ATP10B: variants seen among roughly 807,000 people sequenced by gnomAD.
ATP10B encodes ATPase phospholipid transporting 10B (putative).
In ATP10B, 122 loss-of-function variants were observed where a neutral mutation model predicts 141.2. That is an observed-to-expected ratio of 0.86 (90% CI 0.75 to 1.00). The LOEUF (loss-of-function observed/expected upper bound fraction) is 1.00, where lower values mean the gene tolerates loss of function less well. Among genes scored for constraint, ATP10B ranks in the 50% least tolerant of loss-of-function variants. The pLI, the probability that ATP10B is intolerant of heterozygous loss-of-function variation, is 0.00. For synonymous variants in ATP10B, 685 were observed against 692.0 expected (o/e 0.99, Z 0.16); for missense variants, 1,876 against 1,825.3 (o/e 1.03, Z -0.51).
the ATP10B span, among the ~76,000 whole-genome samples, chr5:160,898,264 T>G: frequency 4.6e-5 from 7 of 152,228 alleles, no homozygotes; most frequent in African/African-American, 1.4e-4. Flanking sequence ...GACAAAGGAC[T>G]AATATCCAGA....
chr5:160,762,265 G>A (rs889404633), intron 2 of ATP10B, among the ~76,000 whole-genome samples: 12 of 152,160 alleles, frequency 7.9e-5, no homozygotes, highest in Non-Finnish European at 1.5e-4. Flanking sequence ...CGTAGTCATC[G>A]GGTTATCTAA....
the ATP10B span, among the ~76,000 whole-genome samples, chr5:160,878,648 C>G: frequency 6.6e-6 from 1 of 152,104 alleles, no homozygotes; most frequent in African/African-American, 2.4e-5. Flanking sequence ...TGACAAAGGG[C>G]TAATATCCAC....
intron 3 of ATP10B, among the ~76,000 whole-genome samples, chr5:160,690,490 G>GTC (rs1309338604): frequency 6.6e-6 from 1 of 152,018 alleles, no homozygotes; most frequent in Non-Finnish European, 1.5e-5. Flanking sequence ...AATCTACAAA[G>GTC]AATTTAAACA....
intron 2 of ATP10B, among the ~76,000 whole-genome samples, chr5:160,773,294 C>T (rs970015723): frequency 1.3e-5 from 2 of 152,104 alleles, no homozygotes; most frequent in Non-Finnish European, 2.9e-5. Context: ...TTTAGACAGG[C>T]TTTGCAATGG....
intron 4 of ATP10B, 46 bp from the exon 5 acceptor site, chr5:160,688,140 C>T: frequency 6.4e-7 from 1 of 1,550,536 alleles, no homozygotes; most frequent in Non-Finnish European, 8.7e-7. Flanking sequence ...AAACGTGCAG[C>T]ATGTTGGCCT....
At chr5:160,846,047 A>G (rs2127990188) in intron 1 of ATP10B, among the ~76,000 whole-genome samples, 1 of 152,350 alleles carries the variant, frequency 6.6e-6, no homozygotes, top group South Asian at 2.1e-4. Flanking sequence ...AAGGGAACAC[A>G]GACATGCACA....
chr5:160,823,975 G>T (rs1001439809), intron 1 of ATP10B, among the ~76,000 whole-genome samples: 4 of 152,088 alleles, frequency 2.6e-5, no homozygotes, highest in African/African-American at 9.7e-5. Flanking sequence ...AAATAAGTAC[G>T]CAGAATAAAT....
chr5:160,715,481 G>A (rs1172222578), intron 3 of ATP10B, among the ~76,000 whole-genome samples: 8 of 142,514 alleles, frequency 5.6e-5, no homozygotes, highest in Middle Eastern at 3.4e-3. Flanking sequence ...GCTCGCGCAC[G>A]GTGCGCACAC....
intron 7 of ATP10B, among the ~76,000 whole-genome samples, chr5:160,652,194 T>C (rs1333606006): frequency 6.6e-6 from 1 of 152,046 alleles, no homozygotes; most frequent in African/African-American, 2.4e-5. Flanking sequence ...TTTGTCCCCA[T>C]CTTCCTCTTT....
chr5:160,766,541 A>G (rs1330649866), intron 2 of ATP10B, among the ~76,000 whole-genome samples: 1 of 152,064 alleles, frequency 6.6e-6, no homozygotes, highest in East Asian at 1.9e-4. Flanking sequence ...GAACTAAGCT[A>G]TGAGGATGCA....
intron 24 of ATP10B, among the ~76,000 whole-genome samples, chr5:160,583,943 A>G (rs1425342922): frequency 6.6e-6 from 1 of 152,174 alleles, no homozygotes; most frequent in Non-Finnish European, 1.5e-5. Context: ...ATTTCAAGCC[A>G]GTGGATCTTA....
intron 18 of ATP10B, 59 bp downstream of exon 18, chr5:160,612,682 G>C: frequency 6.8e-7 from 1 of 1,473,762 alleles, no homozygotes; most frequent in Non-Finnish European, 9.3e-7. Flanking sequence ...TGTCCTCTTG[G>C]TTGAGGGGTT....
intron 1 of ATP10B, among the ~76,000 whole-genome samples, chr5:160,832,457 TAG>T (rs953209751): frequency 4.9e-4 from 75 of 152,224 alleles, no homozygotes; most frequent in Middle Eastern, 3.4e-3. Flanking sequence ...TGTTAAGTTG[TAG>T]AGAGAGTATA....
chr5:160,636,197 C>G lies in ATP10B; in HGVS notation c.1113G>C (p.Met371Ile), dbSNP rs1759354036. Reference sequence around the variant, plus strand: ...GGCTTCCTACCTGGAGCAGGATGATCATTGTGAGGAACATGTAGAAGCCCC... The same window carrying G: ...GGCTTCCTACCTGGAGCAGGATGATGATTGTGAGGAACATGTAGAAGCCCC... The part of the protein sequence containing the change: ...ALGGFYMFLT[M>I]IILLQVLIPI... The change falls in exon 11 of 26, where the codon ATG (methionine) becomes ATC (isoleucine). Residue 371 changes from methionine (M) to isoleucine (I), a missense_variant. Transcript: ENST00000327245. 1 of 1,610,050 alleles carries G rather than the reference C, an allele frequency of 6.2e-7. No individual in the cohort carries two copies. The highest frequency in any genetic ancestry group is 8.5e-7 in the Non-Finnish European group (1 of 1,178,142).
At chr5:160,674,621 G>A (rs1290862749) in intron 6 of ATP10B, among the ~76,000 whole-genome samples, 1 of 152,174 alleles carries the variant, frequency 6.6e-6, no homozygotes. Context: ...CTCAGTGACT[G>A]TTGTGGGTTT....
chr5:160,752,829 G>A (rs960600591), intron 2 of ATP10B, among the ~76,000 whole-genome samples: 3 of 152,164 alleles, frequency 2.0e-5, no homozygotes, highest in African/African-American at 7.2e-5. Context: ...GTTAGTCAAA[G>A]AACATTTGGG....
chr5:160,565,968 G>T (rs751648027), intron 25 of ATP10B, 68 bp from the exon 26 acceptor site: 10 of 1,449,232 alleles, frequency 6.9e-6, no homozygotes, highest in Non-Finnish European at 9.3e-6. Flanking sequence ...AGCATTAAAA[G>T]ATAGTCTTTA....
chr5:160,872,737 C>G, the ATP10B span, among the ~76,000 whole-genome samples: 3 of 152,106 alleles, frequency 2.0e-5, no homozygotes, highest in Non-Finnish European at 4.4e-5. Flanking sequence ...GGCCTATGTG[C>G]CTATTTTTAT....
the ATP10B span, among the ~76,000 whole-genome samples, chr5:160,881,541 G>C: frequency 6.6e-6 from 1 of 152,178 alleles, no homozygotes; most frequent in African/African-American, 2.4e-5. Context: ...GGCCGGGCGT[G>C]GTGGCTCACA....
Sources: gnomAD v4.1 joint callset for allele counts (sites outside exome capture counted in the v4.1 genomes callset) on GRCh38, gnomAD v4.1.1 for gene constraint, MANE v1.5 for transcripts, NCBI Gene and HGNC (gene_info 2026-07-23, HGNC 2026-07-21) for gene names.